The following TFEB variants were observed in gnomAD, a reference collection of about 807,000 sequenced individuals.
TFEB encodes T-cell transcription factor EB.
In TFEB, 12 loss-of-function variants were observed where a neutral mutation model predicts 48.0. The observed-to-expected ratio is 0.25, with a 90% confidence interval of 0.16 to 0.40. The LOEUF (loss-of-function observed/expected upper bound fraction) is 0.40, where lower values mean the gene tolerates loss of function less well. TFEB is among the 10% of genes least tolerant of loss of function. The pLI is 1.00. For missense variants in TFEB, 509 were observed against 640.3 expected (o/e 0.79, Z 2.21); for synonymous variants, 244 against 261.4 (o/e 0.93, Z 0.64).
At chr6:41,735,252 C>T in intron 1 of TFEB, 98 bp downstream of exon 1, 1 of 960,504 alleles carries the variant, frequency 1.0e-6, no homozygotes, top group Middle Eastern at 5.3e-4. Context: ...ATCCCCCACC[C>T]TCCCACCTGT....
chr6:41,694,247 C>T (rs1236276869), intron 1 of TFEB, among the ~76,000 whole-genome samples: 1 of 152,164 alleles, frequency 6.6e-6, no homozygotes. Flanking sequence ...GCACAATGGA[C>T]TTGGGAATCC....
chr6:41,687,605 C>T, intron 6 of TFEB, 148 bp downstream of exon 6: 1 of 960,416 alleles, frequency 1.0e-6, no homozygotes, highest in Non-Finnish European at 1.6e-6. Context: ...CACTGAGCGA[C>T]AGCAATGGGA....
chr6:41,698,027 T>C (rs1305272007), intron 1 of TFEB, among the ~76,000 whole-genome samples: 1 of 150,762 alleles, frequency 6.6e-6, no homozygotes. Context: ...AAGATGTATA[T>C]CTTTCTAATT....
At chr6:41,699,770 T>C (rs1005896606) in intron 1 of TFEB, among the ~76,000 whole-genome samples, 1 of 152,226 alleles carries the variant, frequency 6.6e-6, no homozygotes, top group African/African-American at 2.4e-5. Flanking sequence ...ACTGTTTGAT[T>C]GAAAGGTCCT....
intron 1 of TFEB, among the ~76,000 whole-genome samples, chr6:41,717,128 C>T (rs941126755): frequency 2.6e-5 from 4 of 152,134 alleles, no homozygotes; most frequent in Non-Finnish European, 5.9e-5. Flanking sequence ...GAAAATAGGG[C>T]CCCCCAGCTC....
chr6:41,710,960 A>T (rs1770448305), intron 1 of TFEB, among the ~76,000 whole-genome samples: 1 of 152,260 alleles, frequency 6.6e-6, no homozygotes, highest in South Asian at 2.1e-4. Context: ...GAATACAAGG[A>T]TGAATAAGAC....
rs1561871737 is a variant in TFEB at position 41,723,523 on chromosome 6, GCCCAGGGCCGCACCCCAGC to G, written c.-23+11808_-23+11826del. The G allele has an allele frequency of 3.9e-6, 5 of 1,286,204 alleles. No individual in the cohort carries two copies. Among genetic ancestry groups the G allele is most frequent in the African/African-American group, 1.5e-5 (1 of 65,652 alleles). 79.7% of individuals were successfully genotyped at this position (1,286,204 alleles called of 1,614,324 possible). A position where few individuals can be genotyped will look rare whatever the true frequency, so the allele number is the denominator to read the frequency against. ...ATGCTCAGCTCCTCCAGGGGCCGGAGCCCAGGGCCGCACCCCAGCCCCAGGGCCGGGCTCAGTTTCCTCA... is the reference window on the plus strand; with the variant it reads ...ATGCTCAGCTCCTCCAGGGGCCGGAGCCCAGGGCCGGGCTCAGTTTCCTCA... On this transcript the variant is annotated intron_variant, in intron 1 of 8. Coordinates refer to ENST00000373033, the MANE Select transcript of TFEB (RefSeq NM_001271944.2). This position sits in a 1 kb window ranked among gnomAD's most constrained non-coding sequence, Gnocchi z 6.0.
At chr6:41,727,758 C>G (rs1328460455) in intron 1 of TFEB, among the ~76,000 whole-genome samples, 14 of 152,142 alleles carry the variant, frequency 9.2e-5, no homozygotes, top group Admixed American at 9.2e-4. Flanking sequence ...GTTCCAGGCC[C>G]AAGCATGGAG....
chr6:41,708,195 G>T (rs1345677876), intron 1 of TFEB, among the ~76,000 whole-genome samples: 3 of 152,250 alleles, frequency 2.0e-5, no homozygotes, highest in Non-Finnish European at 2.9e-5. Flanking sequence ...GCACCTTGTA[G>T]ATGCTCCCTA....
At chr6:41,706,905 A>G (rs115026336) in intron 1 of TFEB, among the ~76,000 whole-genome samples, 1 of 151,994 alleles carries the variant, frequency 6.6e-6, no homozygotes, top group South Asian at 2.1e-4. Flanking sequence ...CTTAAACACC[A>G]TAAGAAGCAC....
At chr6:41,708,799 C>G (rs1041857984) in intron 1 of TFEB, among the ~76,000 whole-genome samples, 25 of 152,294 alleles carry the variant, frequency 1.6e-4, no homozygotes, top group Admixed American at 5.9e-4. Flanking sequence ...CTAGCCCACC[C>G]TACAGGGAAG....
intron 1 of TFEB, among the ~76,000 whole-genome samples, chr6:41,704,373 T>C (rs1158510804): frequency 1.3e-5 from 2 of 152,186 alleles, no homozygotes; most frequent in African/African-American, 4.8e-5. Flanking sequence ...AGTTTCCCCA[T>C]CTGTACAAAA....
intron 1 of TFEB, among the ~76,000 whole-genome samples, chr6:41,697,173 C>T (rs996233321): frequency 3.0e-4 from 45 of 151,404 alleles, no homozygotes; most frequent in Non-Finnish European, 4.9e-4. Flanking sequence ...TTTGGCAGGC[C>T]GAGGCAGCCA....
chr6:41,733,487 T>C (rs1771535315), intron 1 of TFEB: 1 of 371,890 alleles, frequency 2.7e-6, no homozygotes, highest in Non-Finnish European at 3.7e-6. Context: ...GTAAGCACCA[T>C]TGGCTTCCCT....
chr6:41,724,298 T>C lies in TFEB; in HGVS notation c.-23+11052A>G, dbSNP rs1771116422. Among the ~76,000 whole-genome samples, 1 of 152,182 alleles carries C rather than the reference T, an allele frequency of 6.6e-6. No individual in the cohort carries two copies. Among genetic ancestry groups the C allele is most frequent in the Non-Finnish European group, 1.5e-5 (1 of 68,036 alleles). ...CCATCGTTGATAAGCAAATACCCTG[T>C]ATTAAGAAAGGTTAAGCTATTATCG... On this transcript the variant is annotated intron_variant, in intron 1 of 8. Coordinates refer to ENST00000373033, the MANE Select transcript of TFEB (RefSeq NM_001271944.2). The surrounding 1 kb of genome is among the most constrained non-coding windows in gnomAD (Gnocchi z 4.4).
chr6:41,715,396 G>A (rs539504909), intron 1 of TFEB, among the ~76,000 whole-genome samples: 5 of 152,322 alleles, frequency 3.3e-5, no homozygotes, highest in African/African-American at 9.6e-5. Flanking sequence ...TGAGCCGGGC[G>A]CAGTGGCTGA....
At chr6:41,718,146 T>C (rs1770815720) in intron 1 of TFEB, among the ~76,000 whole-genome samples, 1 of 152,142 alleles carries the variant, frequency 6.6e-6, no homozygotes, top group African/African-American at 2.4e-5. Context: ...CTCAAATACT[T>C]GTCATTTTGG....
intron 1 of TFEB, among the ~76,000 whole-genome samples, chr6:41,721,372 T>TAC (rs58269771): frequency 0.12 from 17,916 of 144,614 alleles, 1,144 homozygotes; most frequent in African/African-American, 0.17. Flanking sequence ...TAGGCACACA[T>TAC]ACACACACAC....
intron 1 of TFEB, among the ~76,000 whole-genome samples, chr6:41,709,403 G>A (rs1443193225): frequency 2.0e-5 from 3 of 152,242 alleles, no homozygotes; most frequent in Non-Finnish European, 2.9e-5. Context: ...ATCTAATGCA[G>A]TACCTGGCAC....
Sources: gnomAD v4.1 joint callset for allele counts (sites outside exome capture counted in the v4.1 genomes callset) on GRCh38, gnomAD v4.1.1 for gene constraint, Gnocchi (gnomAD v3.1) non-coding constraint, MANE v1.5 for transcripts, NCBI Gene and HGNC (gene_info 2026-07-23, HGNC 2026-07-21) for gene names.